Variants in DAB1 observed in about 807,000 individuals in gnomAD.
DAB1 encodes disabled homolog 1.
DAB1 carries 15 observed loss-of-function variants against 64.6 expected under a neutral mutation model. The observed-to-expected ratio is 0.23, with a 90% confidence interval of 0.16 to 0.36. The LOEUF (loss-of-function observed/expected upper bound fraction) is 0.36, where lower values mean the gene tolerates loss of function less well. DAB1 is among the 10% of genes least tolerant of loss of function. DAB1 has a pLI of 1.00. For missense variants in DAB1, 596 were observed against 706.7 expected (o/e 0.84, Z 1.78); for synonymous variants, 235 against 251.9 (o/e 0.93, Z 0.64).
At chr1:57,441,272 CTCTTTCTTTCTTTCTTTCTTTCTTTCTT>C (rs60171938) in intron 7 of DAB1, among the ~76,000 whole-genome samples, 2,152 of 72,580 alleles carry the variant, frequency 0.03, 28 homozygotes, top group Non-Finnish European at 0.05. Context: ...TTCTTTCTTT[CTCTTTCTTTCTTTCTTTCTTTCTTTCTT>C]TCTTTCTTTC....
At chr1:58,287,521 A>G (rs1309733933) in intron 4 of DAB1, among the ~76,000 whole-genome samples, 1 of 152,092 alleles carries the variant, frequency 6.6e-6, no homozygotes, top group Non-Finnish European at 1.5e-5. Context: ...CGCAGTTGAT[A>G]CTGGCTGCTG....
intron 2 of DAB1, among the ~76,000 whole-genome samples, chr1:57,290,647 T>A (rs907040304): frequency 6.6e-6 from 1 of 152,108 alleles, no homozygotes; most frequent in African/African-American, 2.4e-5. Context: ...TGGAGAATAA[T>A]GAAGAGCCAT....
At chr1:57,508,726 T>G (rs1371427695) in intron 7 of DAB1, among the ~76,000 whole-genome samples, 1 of 152,226 alleles carries the variant, frequency 6.6e-6, no homozygotes, top group East Asian at 1.9e-4. Context: ...TGCTGATGTC[T>G]GCTCTATTCA....
chr1:58,354,292 T>C (rs1460934952), intron 3 of DAB1, among the ~76,000 whole-genome samples: 1 of 152,156 alleles, frequency 6.6e-6, no homozygotes, highest in Non-Finnish European at 1.5e-5. Flanking sequence ...GAATGACACT[T>C]GGGACACATC....
chr1:57,597,170 T>G (rs959031074), intron 7 of DAB1, among the ~76,000 whole-genome samples: 9 of 152,220 alleles, frequency 5.9e-5, no homozygotes, highest in African/African-American at 2.2e-4. Flanking sequence ...GCCACTTATC[T>G]TATCCACCTG....
chr1:57,035,209 C>G (rs1284163228), intron 9 of DAB1, among the ~76,000 whole-genome samples: 4 of 152,166 alleles, frequency 2.6e-5, no homozygotes, highest in Non-Finnish European at 5.9e-5. Flanking sequence ...TTCACACACT[C>G]CTAGCAATTT....
chr1:57,725,310 A>G (rs1647195443), intron 6 of DAB1, among the ~76,000 whole-genome samples: 1 of 152,226 alleles, frequency 6.6e-6, no homozygotes, highest in African/African-American at 2.4e-5. Context: ...AAAATAGCTT[A>G]TCAAGACTCA....
intron 2 of DAB1, among the ~76,000 whole-genome samples, chr1:57,231,910 T>C (rs116121753): frequency 0.02 from 3,020 of 152,290 alleles, 38 homozygotes; most frequent in Non-Finnish European, 0.03. Context: ...TTTTCTGATA[T>C]CAGATTTCTA....
Position 57,145,296 on chromosome 1 carries a change from T to C in DAB1, c.201A>G (p.Lys67=), listed in dbSNP as rs766918608. Residue 67 remains lysine, a synonymous_variant, in exon 3 of 15, where the codon AAA becomes AAG. Coordinates refer to ENST00000371236, the MANE Select transcript of DAB1 (RefSeq NM_001365792.1). ...GDKLCQDSMM[K]LKGVVAGARS... ...GAAAACGTTTGCATAGCACCTTGAG[T>C]TTCATCATGGAATCTTGACATAACT... 3 of 1,613,960 alleles carry C rather than the reference T, an allele frequency of 1.9e-6. No homozygotes were observed. Among genetic ancestry groups the C allele is most frequent in the Non-Finnish European group, 1.7e-6 (2 of 1,179,930 alleles).
intron 9 of DAB1, among the ~76,000 whole-genome samples, chr1:57,045,628 G>A (rs1483526862): frequency 2.6e-5 from 4 of 152,140 alleles, no homozygotes; most frequent in African/African-American, 7.2e-5. Flanking sequence ...AACCTGGGAA[G>A]CGGAGGTTGC....
At chr1:57,409,115 CCT>C (rs1683893864) in intron 1 of DAB1, among the ~76,000 whole-genome samples, 2 of 152,296 alleles carry the variant, frequency 1.3e-5, no homozygotes, top group Admixed American at 1.3e-4. Context: ...CAACTCCTGG[CCT>C]TTTTCCCCAT....
intron 9 of DAB1, among the ~76,000 whole-genome samples, chr1:57,061,002 T>C (rs72903393): frequency 0.036 from 5,499 of 151,942 alleles, 319 homozygotes; most frequent in African/African-American, 0.12. Context: ...TTGTAGAGAA[T>C]GGTGTCATGG....
At chr1:57,658,306 C>CTTTTT (rs1165560066) in intron 6 of DAB1, among the ~76,000 whole-genome samples, 1 of 131,232 alleles carries the variant, frequency 7.6e-6, no homozygotes, top group African/African-American at 2.8e-5. Context: ...CAATTTTGTT[C>CTTTTT]TTTTTTTTTT....
intron 5 of DAB1, among the ~76,000 whole-genome samples, chr1:58,089,074 T>C (rs935808926): frequency 1.8e-4 from 27 of 152,266 alleles, no homozygotes; most frequent in African/African-American, 6.5e-4. Flanking sequence ...TTAGCACCAA[T>C]GTCGTTTTTG....
intron 7 of DAB1, among the ~76,000 whole-genome samples, chr1:57,635,979 C>T (rs1646048724): frequency 6.6e-6 from 1 of 151,962 alleles, no homozygotes; most frequent in South Asian, 2.1e-4. Flanking sequence ...CGCCTGTAGT[C>T]CCAACTACTC....
intron 1 of DAB1, among the ~76,000 whole-genome samples, chr1:58,528,500 T>C (rs955915071): frequency 1.3e-5 from 2 of 152,198 alleles, no homozygotes; most frequent in African/African-American, 2.4e-5. Context: ...TAGTGTGATT[T>C]TGTCCTCCAG....
intron 7 of DAB1, among the ~76,000 whole-genome samples, chr1:57,491,414 C>A (rs1213051339): frequency 1.3e-5 from 2 of 151,140 alleles, no homozygotes; most frequent in African/African-American, 4.9e-5. Context: ...GGTGACAGAG[C>A]GAGACTCCAT....
At chr1:58,414,239 C>T (rs1488902345) in intron 3 of DAB1, among the ~76,000 whole-genome samples, 1 of 151,796 alleles carries the variant, frequency 6.6e-6, no homozygotes, top group African/African-American at 2.4e-5. Flanking sequence ...GGCCCAGTCC[C>T]CAAACTAGGG....
At chr1:58,072,098 G>A (rs995544533) in intron 5 of DAB1, among the ~76,000 whole-genome samples, 6 of 119,500 alleles carry the variant, frequency 5.0e-5, no homozygotes, top group Admixed American at 9.1e-5. Context: ...GGGGGGGTGG[G>A]TAGTAGGGAA....
Sources: allele counts gnomAD v4.1 joint callset (sites outside exome capture counted in the v4.1 genomes callset), GRCh38; gene constraint gnomAD v4.1.1; transcripts MANE v1.5; gene names NCBI Gene and HGNC (gene_info 2026-07-23, HGNC 2026-07-21).